DNAL1: variants seen among roughly 807,000 people sequenced by gnomAD.
DNAL1 encodes the protein chromosome 14 open reading frame 168.
A neutral mutation model predicts 29.4 loss-of-function variants in DNAL1; 17 were observed. The observed-to-expected ratio is 0.58, with a 90% confidence interval of 0.40 to 0.87. DNAL1 has a LOEUF of 0.87. Among genes scored for constraint, DNAL1 ranks in the 40% least tolerant of loss-of-function variants. The pLI is 0.00. For synonymous variants in DNAL1, 78 were observed against 76.3 expected, an observed-to-expected ratio of 1.02 and a Z score of -0.12; for missense variants, 188 against 214.1, an observed-to-expected ratio of 0.88 and a Z score of 0.76.
chr14:73,691,975 CG>C (rs71112795), intron 7 of DNAL1, among the ~76,000 whole-genome samples: 148,114 of 148,138 alleles, frequency 1, 74,045 homozygotes, highest in Middle Eastern at 1. Context: ...GGATTATAGG[CG>C]GTGAGCCACT....
intron 1 of DNAL1, among the ~76,000 whole-genome samples, chr14:73,646,948 T>TC (rs1890989261): frequency 6.6e-6 from 1 of 152,146 alleles, no homozygotes; most frequent in African/African-American, 2.4e-5. Flanking sequence ...GTATTTCAAT[T>TC]TAAAAAAATT....
intron 5 of DNAL1, among the ~76,000 whole-genome samples, chr14:73,683,761 G>A (rs1891949679): frequency 6.6e-6 from 1 of 151,908 alleles, no homozygotes; most frequent in African/African-American, 2.4e-5. Flanking sequence ...AGGCTGGAGT[G>A]CCATGGTGTG....
chr14:73,659,157 T>C (rs1891281562), intron 3 of DNAL1, among the ~76,000 whole-genome samples: 1 of 144,032 alleles, frequency 6.9e-6, no homozygotes, highest in Non-Finnish European at 1.5e-5. Context: ...AACAGTATAG[T>C]ACAATTTTTT....
rs1324366813 is a variant in DNAL1 at position 73,702,473 on chromosome 14, T to G, written c.*6531T>G. ...ATTTCTTTAGCTAAGTTTTTTTTTC[T>G]TAGTAGGTTTTTTTCTCCCAGGCTT... is the stretch of plus-strand genomic sequence containing the variant. On this transcript the variant is annotated 3_prime_UTR_variant, in exon 8 of 8. Transcript: ENST00000553645. The G allele has an allele frequency of 6.6e-6, 1 of 152,128 alleles. No homozygotes were observed. The highest frequency in any genetic ancestry group is 2.1e-4 in the South Asian group (1 of 4,818). The allele number at this position is 152,128 out of a possible 1,614,324, so 9.4% of individuals were successfully genotyped here.
chr14:73,687,044 G>A (rs1331939538), intron 5 of DNAL1, among the ~76,000 whole-genome samples: 2 of 148,048 alleles, frequency 1.4e-5, no homozygotes, highest in African/African-American at 5.0e-5. Context: ...AGTCAGAGAA[G>A]GAAGAGTTCA....
intron 1 of DNAL1, among the ~76,000 whole-genome samples, chr14:73,646,141 AAGTTCTGG>A (rs1890971737): frequency 6.6e-6 from 1 of 152,218 alleles, no homozygotes; most frequent in Non-Finnish European, 1.5e-5. Flanking sequence ...GGAAAGTTAA[AAGTTCTGG>A]AACCTAGGTT....
At chr14:73,665,689 G>A (rs1440942581) in intron 4 of DNAL1, among the ~76,000 whole-genome samples, 2 of 151,976 alleles carry the variant, frequency 1.3e-5, no homozygotes, top group African/African-American at 4.8e-5. Context: ...TACGTGGGAG[G>A]CTGAGGCAGG....
chr14:73,689,955 G>C (rs973632544), intron 7 of DNAL1, among the ~76,000 whole-genome samples: 3 of 150,018 alleles, frequency 2.0e-5, no homozygotes, highest in Middle Eastern at 3.5e-3. Flanking sequence ...AGAATCACTT[G>C]AACTCGGCAG....
chr14:73,679,651 C>T (rs967187918), intron 5 of DNAL1, among the ~76,000 whole-genome samples: 1 of 152,114 alleles, frequency 6.6e-6, no homozygotes, highest in Non-Finnish European at 1.5e-5. Context: ...GATATATTTT[C>T]TCTTAGTTTG....
At chr14:73,677,746 A>C (rs1297653935) in intron 5 of DNAL1, among the ~76,000 whole-genome samples, 1 of 149,738 alleles carries the variant, frequency 6.7e-6, no homozygotes, top group Non-Finnish European at 1.5e-5. Flanking sequence ...TTTAGTAGAG[A>C]CGGGGTTTCA....
intron 5 of DNAL1, among the ~76,000 whole-genome samples, chr14:73,678,290 T>G (rs1230593475): frequency 6.6e-6 from 1 of 152,170 alleles, no homozygotes; most frequent in Non-Finnish European, 1.5e-5. Context: ...GATTTATCTT[T>G]TTCTTACTGA....
chr14:73,670,278 T>C (rs1891588585), intron 4 of DNAL1, among the ~76,000 whole-genome samples: 1 of 152,224 alleles, frequency 6.6e-6, no homozygotes, highest in Non-Finnish European at 1.5e-5. Flanking sequence ...ATACAGTTGC[T>C]ACTAGCTACA....
At position 73,658,005 on chromosome 14, in the gene DNAL1, TG is replaced by T. The variant is rs2140030140; in HGVS notation, c.43-841del. Among the ~76,000 whole-genome samples the T allele has an allele frequency of 2.0e-5, 3 of 152,382 alleles. No individual in the cohort carries two copies. In the East Asian group the frequency reaches 5.8e-4, roughly 29 times the overall value. ...GACCAATGTCCTGAAGTGTTTTCCC[TG>T]TATTTTCTTCCAGTGGCTTTATAGT... On this transcript the variant is annotated intron_variant, in intron 2 of 7. Transcript: ENST00000553645.
chr14:73,694,540 A>G (rs1228926279), intron 7 of DNAL1, among the ~76,000 whole-genome samples: 4 of 48,716 alleles, frequency 8.2e-5, no homozygotes, highest in Non-Finnish European at 1.4e-4. Context: ...TTTCCTCTAC[A>G]GTGATTTTTT....
rs1298862606 is a variant in DNAL1, at chr14:73,701,491, TCTC to T, written c.*5552_*5554del. 2.0e-5 allele frequency: 3 copies of T among 152,238 alleles called. No individual in the cohort carries two copies. The highest frequency in any genetic ancestry group is 3.8e-4 in the East Asian group (2 of 5,200). 9.4% of individuals were successfully genotyped at this position (152,238 alleles called of 1,614,324 possible). A position where few individuals can be genotyped will look rare whatever the true frequency, so the allele number is the denominator to read the frequency against. ...CCCTCTGGGGGATGTGTCAAGTAGT[TCTC>T]CTACTCAGAATAGAAGCTTTGCGAA... On this transcript the variant is annotated 3_prime_UTR_variant, in exon 8 of 8. Transcript: ENST00000553645.
intron 5 of DNAL1, among the ~76,000 whole-genome samples, chr14:73,679,157 C>T (rs776146059): frequency 2.6e-5 from 4 of 152,034 alleles, no homozygotes; most frequent in East Asian, 1.9e-4. Context: ...CCACCACACC[C>T]GGCTAATTTT....
Position 73,696,010 on chromosome 14 carries a change from T to C in DNAL1, c.*68T>C. On this transcript the variant is annotated 3_prime_UTR_variant, in exon 8 of 8. Coordinates refer to ENST00000553645, the MANE Select transcript of DNAL1 (RefSeq NM_031427.4). ...AGAACAATAGATAAATTTTATATAA[T>C]TGTCTATTTTAAAGATTCTGTATGG... 2 of 1,404,314 alleles carry C rather than the reference T, an allele frequency of 1.4e-6. No individual in the cohort carries two copies. Among genetic ancestry groups the C allele is most frequent in the Admixed American group, 2.1e-5 (1 of 46,516 alleles). 87.0% of individuals were successfully genotyped at this position (1,404,314 alleles called of 1,614,324 possible). A position where few individuals can be genotyped will look rare whatever the true frequency, so the allele number is the denominator to read the frequency against.
chr14:73,681,619 A>T (rs1431221541), intron 5 of DNAL1, among the ~76,000 whole-genome samples: 19 of 42,078 alleles, frequency 4.5e-4, no homozygotes, highest in African/African-American at 1.1e-3. Context: ...AAAAAAAAAA[A>T]AAAAAAAAAA....
intron 7 of DNAL1, among the ~76,000 whole-genome samples, chr14:73,689,962 G>A (rs1157316125): frequency 6.6e-6 from 1 of 151,464 alleles, no homozygotes; most frequent in Non-Finnish European, 1.5e-5. Context: ...CTTGAACTCG[G>A]CAGGCGGAGG....
Sources: allele counts gnomAD v4.1 joint callset (sites outside exome capture counted in the v4.1 genomes callset), GRCh38; gene constraint gnomAD v4.1.1; transcripts MANE v1.5; gene names NCBI Gene and HGNC (gene_info 2026-07-23, HGNC 2026-07-21).